The following DNM3 variants were observed in gnomAD, a reference collection of about 807,000 sequenced individuals.
The protein encoded by DNM3 is dynamin-3.
In DNM3, 47 loss-of-function variants were observed where a neutral mutation model predicts 101.6. The ratio of observed to expected loss-of-function variants is 0.46; its 90% CI spans 0.37 to 0.59. The LOEUF (loss-of-function observed/expected upper bound fraction) is 0.59. Ranked by LOEUF, DNM3 falls within the 20% of genes least tolerant of loss-of-function variation. DNM3 has a pLI of 0.00. For synonymous variants in DNM3, 385 were observed against 387.9 expected (o/e 0.99, Z 0.09); for missense variants, 849 against 1,085.7 (o/e 0.78, Z 3.06).
chr1:172,218,528 A>G (rs545022772), intron 14 of DNM3, among the ~76,000 whole-genome samples: 1 of 152,106 alleles, frequency 6.6e-6, no homozygotes. Flanking sequence ...GTTATTTACA[A>G]TATTTATCCC....
Position 172,411,632 on chromosome 1 carries a change from G to C in DNM3, c.*3791G>C. 1.0e-6 allele frequency: 1 copy of C among 984,934 alleles called. No homozygotes were observed. The highest frequency in any genetic ancestry group is 1.2e-6 in the Non-Finnish European group (1 of 829,764). The allele number at this position is 984,934 out of a possible 1,614,324, so 61.0% of individuals were successfully genotyped here. A position where few individuals can be genotyped will look rare whatever the true frequency, so the allele number is the denominator to read the frequency against. On this transcript the variant is annotated 3_prime_UTR_variant, in exon 21 of 21. Coordinates refer to ENST00000627582, the MANE Select transcript of DNM3 (RefSeq NM_015569.5). ...TAAGAGAGAAGCTATCTAATACCTT[G>C]GAGGTAGGTCATCCACTTTTTCAGG...
intron 14 of DNM3, among the ~76,000 whole-genome samples, chr1:172,214,638 A>G (rs1047426365): frequency 3.3e-5 from 5 of 152,136 alleles, no homozygotes; most frequent in Admixed American, 6.6e-5. Context: ...TAACTTAATT[A>G]TTATATACTA....
chr1:172,300,250 C>G (rs2148844368), intron 15 of DNM3, among the ~76,000 whole-genome samples: 1 of 151,966 alleles, frequency 6.6e-6, no homozygotes, highest in African/African-American at 2.4e-5. Context: ...TTTTCACTTA[C>G]TGAATTATTT....
At chr1:171,947,492 G>A (rs908605894) in intron 2 of DNM3, among the ~76,000 whole-genome samples, 2 of 151,804 alleles carry the variant, frequency 1.3e-5, no homozygotes, top group African/African-American at 4.9e-5. Context: ...CATCATAACA[G>A]CCTGAAAAAA....
downstream of DNM3, chr1:172,415,526 T>TTTTTG (rs1553256646): frequency 7.5e-5 from 8 of 105,980 alleles, no homozygotes; most frequent in Admixed American, 2.1e-4. Context: ...TTTTGTGAGT[T>TTTTTG]TTTTTTTTTT....
intron 14 of DNM3, 82 bp downstream of exon 14, chr1:172,131,370 T>C (rs1162014781): frequency 3.4e-6 from 4 of 1,186,752 alleles, no homozygotes; most frequent in Non-Finnish European, 4.9e-6. Context: ...CTATGCAATT[T>C]TGAGACACCA....
chr1:172,375,836 C>T (rs1023231061), intron 17 of DNM3, among the ~76,000 whole-genome samples: 2 of 91,418 alleles, frequency 2.2e-5, no homozygotes, highest in African/African-American at 8.8e-5. Flanking sequence ...TAACAAAACC[C>T]CATCTCTAAA....
intron 1 of DNM3, among the ~76,000 whole-genome samples, chr1:171,899,784 G>A (rs2038138509): frequency 6.6e-6 from 1 of 152,114 alleles, no homozygotes; most frequent in African/African-American, 2.4e-5. Flanking sequence ...TTGGGAAGAT[G>A]GAAAATAGAC....
chr1:172,205,466 A>G (rs1213189390), intron 14 of DNM3, among the ~76,000 whole-genome samples: 14 of 152,160 alleles, frequency 9.2e-5, no homozygotes, highest in Non-Finnish European at 1.3e-4. Flanking sequence ...GAAACATACC[A>G]TAAATTAAAA....
At chr1:171,974,216 C>T (rs1216925093) in intron 2 of DNM3, among the ~76,000 whole-genome samples, 1 of 152,124 alleles carries the variant, frequency 6.6e-6, no homozygotes, top group Non-Finnish European at 1.5e-5. Context: ...CATATGATGA[C>T]ACAATCAGAT....
chr1:172,418,286 C>A (rs1475660485), exon 21 of DNM3: 3 of 1,288,866 alleles, frequency 2.3e-6, no homozygotes, highest in Admixed American at 2.3e-5. Context: ...ACTAGGCGAC[C>A]CCCTCCTGCA....
intron 2 of DNM3, among the ~76,000 whole-genome samples, chr1:171,980,798 T>TCTCA (rs375112147): frequency 0.011 from 1,549 of 138,448 alleles, 23 homozygotes; most frequent in African/African-American, 0.041. Context: ...TGAGACAGAG[T>TCTCA]CTCACTCTGT....
At chr1:172,279,488 T>A (rs531695124) in intron 15 of DNM3, among the ~76,000 whole-genome samples, 5 of 152,148 alleles carry the variant, frequency 3.3e-5, no homozygotes, top group Non-Finnish European at 7.4e-5. Context: ...CGTGAAAATG[T>A]TAAGTGCGCT....
chr1:172,140,131 A>C (rs2057489866), intron 14 of DNM3: 1 of 152,036 alleles, frequency 6.6e-6, no homozygotes, highest in South Asian at 2.1e-4. Context: ...ATAGAAACTT[A>C]ATGGAAAGCA....
intron 14 of DNM3, among the ~76,000 whole-genome samples, chr1:172,234,845 T>C (rs1331675043): frequency 6.6e-6 from 1 of 152,082 alleles, no homozygotes; most frequent in Non-Finnish European, 1.5e-5. Flanking sequence ...ATACAAAAAT[T>C]AATTCAAGAT....
intron 13 of DNM3, among the ~76,000 whole-genome samples, chr1:172,121,569 G>T (rs1198623983): frequency 6.6e-6 from 1 of 152,234 alleles, no homozygotes; most frequent in East Asian, 1.9e-4. Flanking sequence ...AGACGATGAT[G>T]AAGGCACTGT....
intron 14 of DNM3, among the ~76,000 whole-genome samples, chr1:172,163,493 C>A (rs1166719171): frequency 6.6e-6 from 1 of 152,022 alleles, no homozygotes; most frequent in Non-Finnish European, 1.5e-5. Flanking sequence ...CCCCCTTGGC[C>A]TCCCAAAGTG....
At chr1:172,403,581 G>A (rs1265231643) in intron 20 of DNM3, among the ~76,000 whole-genome samples, 2 of 152,088 alleles carry the variant, frequency 1.3e-5, no homozygotes, top group Non-Finnish European at 2.9e-5. Flanking sequence ...CACCCTGCAT[G>A]AGCATTTGAC....
At chr1:172,231,248 C>T (rs1256109890) in intron 14 of DNM3, among the ~76,000 whole-genome samples, 3 of 151,968 alleles carry the variant, frequency 2.0e-5, no homozygotes, top group Non-Finnish European at 2.9e-5. Flanking sequence ...GGCCTGGTAC[C>T]CCTCTGAGAC....
Sources: allele counts gnomAD v4.1 joint callset (sites outside exome capture counted in the v4.1 genomes callset), GRCh38; gene constraint gnomAD v4.1.1; transcripts MANE v1.5; gene names NCBI Gene and HGNC (gene_info 2026-07-23, HGNC 2026-07-21).